Variants in PRKACB observed in about 807,000 individuals in gnomAD.
The protein encoded by PRKACB is cAMP-dependent protein kinase catalytic subunit beta.
A neutral mutation model predicts 51.4 loss-of-function variants in PRKACB; 16 were observed. That is an observed-to-expected ratio of 0.31 (90% CI 0.21 to 0.47). PRKACB has a LOEUF of 0.47. Ranked by LOEUF, PRKACB falls within the 20% of genes least tolerant of loss-of-function variation. The pLI, the probability that PRKACB is intolerant of heterozygous loss-of-function variation, is 1.00. For synonymous variants in PRKACB, 147 were observed against 154.4 expected (o/e 0.95, Z 0.35); for missense variants, 309 against 464.5 (o/e 0.67, Z 3.08).
intron 1 of PRKACB, among the ~76,000 whole-genome samples, chr1:84,126,651 G>A (rs2100536654): frequency 6.6e-6 from 1 of 152,312 alleles, no homozygotes; most frequent in Admixed American, 6.5e-5. Flanking sequence ...AGGCTTGAGA[G>A]TGTGGCCCTC....
At chr1:84,176,573 A>G (rs1661342547) in intron 1 of PRKACB, among the ~76,000 whole-genome samples, 1 of 151,158 alleles carries the variant, frequency 6.6e-6, no homozygotes, top group African/African-American at 2.4e-5. Context: ...CATAAAAACT[A>G]GAGATTTCAT....
At position 84,237,962 on chromosome 1, in the gene PRKACB, T is replaced by G. The variant is rs141828897; in HGVS notation, c.*2657T>G. 13 of 152,286 alleles carry G rather than the reference T, an allele frequency of 8.5e-5. No individual in the cohort carries two copies. The highest frequency in any genetic ancestry group is 3.1e-4 in the African/African-American group (13 of 41,572). 9.4% of individuals were successfully genotyped at this position (152,286 alleles called of 1,614,324 possible). A position where few individuals can be genotyped will look rare whatever the true frequency, so the allele number is the denominator to read the frequency against. ...AGTCGATGACAAGATTGTCTTTTTA[T>G]CTGATATTTTGAAGGGTATATTGCT... is the stretch of plus-strand genomic sequence containing the variant. On this transcript the variant is annotated 3_prime_UTR_variant, in exon 10 of 10. Coordinates refer to ENST00000370685, the MANE Select transcript of PRKACB (RefSeq NM_182948.4).
chr1:84,144,627 A>T, intron 1 of PRKACB, 79 bp downstream of exon 1: 1 of 1,382,582 alleles, frequency 7.2e-7, no homozygotes, highest in Non-Finnish European at 9.8e-7. Context: ...AACATAAAGA[A>T]CCCTCTTTTG....
At chr1:84,181,102 G>A (rs1489523121) in intron 2 of PRKACB, among the ~76,000 whole-genome samples, 1 of 151,960 alleles carries the variant, frequency 6.6e-6, no homozygotes, top group Non-Finnish European at 1.5e-5. Flanking sequence ...CAAGCTATAA[G>A]TAAAACAGAA....
intron 1 of PRKACB, among the ~76,000 whole-genome samples, chr1:84,156,221 C>G (rs185011438): frequency 6.6e-6 from 1 of 151,912 alleles, no homozygotes; most frequent in South Asian, 2.1e-4. Context: ...TTCTTGAACT[C>G]CTGGGGTCAA....
intron 9 of PRKACB, among the ~76,000 whole-genome samples, chr1:84,215,130 T>C (rs554958431): frequency 1.3e-5 from 2 of 152,372 alleles, no homozygotes; most frequent in Non-Finnish European, 2.9e-5. Flanking sequence ...AAAGCTAATT[T>C]GAACATAATT....
chr1:84,235,572 C>T lies in PRKACB; in HGVS notation c.*267C>T, dbSNP rs1366571062. 6.2e-6 allele frequency: 2 copies of T among 321,838 alleles called. No individual in the cohort carries two copies. Among genetic ancestry groups the T allele is most frequent in the Non-Finnish European group, 5.7e-6 (1 of 176,606 alleles). 19.9% of individuals were successfully genotyped at this position (321,838 alleles called of 1,614,324 possible). A position where few individuals can be genotyped will look rare whatever the true frequency, so the allele number is the denominator to read the frequency against. On this transcript the variant is annotated 3_prime_UTR_variant, in exon 10 of 10. Transcript: ENST00000370685. ...GGTTGTCTTTCTCCTCTCCTATATCCATTTCTTCCTTTTCCAATTTCATTG... is the reference window on the plus strand; with the variant it reads ...GGTTGTCTTTCTCCTCTCCTATATCTATTTCTTCCTTTTCCAATTTCATTG...
At chr1:84,171,246 C>T (rs1380769336) in intron 1 of PRKACB, among the ~76,000 whole-genome samples, 1 of 151,250 alleles carries the variant, frequency 6.6e-6, no homozygotes, top group Non-Finnish European at 1.5e-5. Context: ...TATAAGAAAA[C>T]AAGTTTAAAA....
At chr1:84,176,684 T>A (rs190673460) in intron 1 of PRKACB, among the ~76,000 whole-genome samples, 163 of 151,904 alleles carry the variant, frequency 1.1e-3, no homozygotes, top group African/African-American at 3.8e-3. Flanking sequence ...TTTAATGTAC[T>A]CGAAAAGAAA....
intron 1 of PRKACB, among the ~76,000 whole-genome samples, chr1:84,105,668 C>T (rs1433000232): frequency 6.6e-6 from 1 of 151,924 alleles, no homozygotes; most frequent in Non-Finnish European, 1.5e-5. Context: ...CTCCACCTCC[C>T]GGATTCAAGT....
chr1:84,108,720 T>G (rs943390906), intron 1 of PRKACB, among the ~76,000 whole-genome samples: 4 of 151,994 alleles, frequency 2.6e-5, no homozygotes, highest in African/African-American at 9.7e-5. Flanking sequence ...CACATTCAGA[T>G]AGTCTTGATT....
At chr1:84,083,311 C>A (rs1557897506) in intron 1 of PRKACB, among the ~76,000 whole-genome samples, 1 of 152,194 alleles carries the variant, frequency 6.6e-6, no homozygotes, top group African/African-American at 2.4e-5. Flanking sequence ...CATATGATCT[C>A]ATCGAGTTCC....
chr1:84,114,781 C>T (rs1422923027), intron 1 of PRKACB, among the ~76,000 whole-genome samples: 2 of 152,092 alleles, frequency 1.3e-5, no homozygotes, highest in African/African-American at 4.8e-5. Flanking sequence ...TAAATGAGAA[C>T]ATGTGATATT....
Position 84,196,661 on chromosome 1 carries a change from C to G in PRKACB, c.606C>G (p.Phe202Leu). The change falls in exon 6 of 10, where the codon TTC (phenylalanine) becomes TTG (leucine). Residue 202 changes from phenylalanine (F) to leucine (L), a missense_variant. Phe to Leu is a conservative substitution (Grantham distance 22, BLOSUM62 0). Around this residue, in one of 3 missense-constraint regions of PRKACB, gnomAD observed 60 missense variants for 144.4 expected, o/e 0.42. Transcript: ENST00000370685. ...ATGCAGCTCAGATAGTGCTAACATT[C>G]GAGTACCTCCATTCACTAGACCTCA... ...RFYAAQIVLT[F>L]EYLHSLDLIY... 1.2e-6 allele frequency: 2 copies of G among 1,613,540 alleles called. No individual in the cohort carries two copies. Among genetic ancestry groups the G allele is most frequent in the Non-Finnish European group, 1.7e-6 (2 of 1,179,602 alleles).
chr1:84,173,736 T>C (rs1415303584), intron 1 of PRKACB, among the ~76,000 whole-genome samples: 1 of 151,844 alleles, frequency 6.6e-6, no homozygotes, highest in Non-Finnish European at 1.5e-5. Context: ...AATAATGCTT[T>C]TATTAAGGTA....
intron 1 of PRKACB, among the ~76,000 whole-genome samples, chr1:84,083,828 A>C (rs1216123615): frequency 6.6e-6 from 1 of 152,072 alleles, no homozygotes; most frequent in Non-Finnish European, 1.5e-5. Flanking sequence ...CTTACTTTTA[A>C]ATGTATTCCT....
chr1:84,080,464 G>T (rs974819560), intron 1 of PRKACB, among the ~76,000 whole-genome samples: 2 of 152,088 alleles, frequency 1.3e-5, no homozygotes, highest in Admixed American at 6.5e-5. Flanking sequence ...GGAAACTGAA[G>T]GTCATTATAG....
intron 1 of PRKACB, among the ~76,000 whole-genome samples, chr1:84,118,264 C>A (rs1315319188): frequency 6.6e-6 from 1 of 152,128 alleles, no homozygotes; most frequent in Non-Finnish European, 1.5e-5. Context: ...CCTGTGTGTT[C>A]TCCATTGTAC....
At chr1:84,136,490 C>CA (rs1553163970) in intron 1 of PRKACB, among the ~76,000 whole-genome samples, 331 of 146,730 alleles carry the variant, frequency 2.3e-3, no homozygotes, top group African/African-American at 7.8e-3. Context: ...ACGGCCAAAA[C>CA]CACACACACA....
Sources: allele counts gnomAD v4.1 joint callset (sites outside exome capture counted in the v4.1 genomes callset), GRCh38; gene constraint gnomAD v4.1.1; regional missense constraint gnomAD v4.1.1; transcripts MANE v1.5; gene names NCBI Gene and HGNC (gene_info 2026-07-23, HGNC 2026-07-21).